Variants in SOX5 observed in about 807,000 individuals in gnomAD.
The protein encoded by SOX5 is SRY-box transcription factor 5.
A neutral mutation model predicts 92.0 loss-of-function variants in SOX5; 9 were observed. That is an observed-to-expected ratio of 0.10 (90% CI 0.06 to 0.17). The LOEUF (loss-of-function observed/expected upper bound fraction) is 0.17, where lower values mean the gene tolerates loss of function less well. SOX5 is among the 10% of genes least tolerant of loss of function. SOX5 has a pLI of 1.00. For missense variants in SOX5, 642 were observed against 944.5 expected (o/e 0.68, Z 4.20); for synonymous variants, 344 against 336.3 (o/e 1.02, Z -0.25).
intron 8 of SOX5, among the ~76,000 whole-genome samples, chr12:23,632,549 A>G (rs1328596231): frequency 1.3e-5 from 2 of 152,114 alleles, no homozygotes; most frequent in Non-Finnish European, 2.9e-5. Context: ...AGCCATGCTC[A>G]GTCACTCACA....
intron 4 of SOX5, among the ~76,000 whole-genome samples, chr12:24,139,983 T>C (rs1950432031): frequency 1.3e-5 from 2 of 152,188 alleles, no homozygotes; most frequent in African/African-American, 2.4e-5. Flanking sequence ...ACTGTGGTGG[T>C]ACAGATTCCA....
At chr12:24,440,248 G>C (rs952586716) in intron 1 of SOX5, among the ~76,000 whole-genome samples, 1 of 152,120 alleles carries the variant, frequency 6.6e-6, no homozygotes, top group Non-Finnish European at 1.5e-5. Context: ...TGCCACAGAC[G>C]CTGACTGAGG....
At chr12:23,659,366 A>T (rs921451172) in intron 7 of SOX5, among the ~76,000 whole-genome samples, 4 of 152,244 alleles carry the variant, frequency 2.6e-5, no homozygotes, top group African/African-American at 7.2e-5. Flanking sequence ...TTTTTATTGG[A>T]AACGGAAATA....
At chr12:23,992,635 G>C (rs572965722) in intron 4 of SOX5, among the ~76,000 whole-genome samples, 31 of 152,112 alleles carry the variant, frequency 2.0e-4, no homozygotes, top group Admixed American at 3.3e-4. Context: ...ATTGCTTCTA[G>C]CACTCTGAAG....
chr12:24,031,424 T>A (rs1185221095), intron 4 of SOX5, among the ~76,000 whole-genome samples: 1 of 151,712 alleles, frequency 6.6e-6, no homozygotes, highest in Admixed American at 6.6e-5. Context: ...CTGGAGGAGC[T>A]AGGCCCAGAA....
intron 1 of SOX5, among the ~76,000 whole-genome samples, chr12:23,925,470 G>T (rs973436471): frequency 1.3e-5 from 2 of 151,906 alleles, no homozygotes; most frequent in African/African-American, 4.8e-5. Context: ...GAATATAATT[G>T]GTAATTTAGT....
chr12:24,443,413 A>C (rs1940964375), intron 1 of SOX5, among the ~76,000 whole-genome samples: 1 of 152,226 alleles, frequency 6.6e-6, no homozygotes. Context: ...CACCCTGTTG[A>C]AAATCGCTGA....
At chr12:24,047,787 A>G (rs1409747659) in intron 4 of SOX5, among the ~76,000 whole-genome samples, 3 of 152,198 alleles carry the variant, frequency 2.0e-5, no homozygotes, top group Non-Finnish European at 4.4e-5. Context: ...CTCAAACCCT[A>G]AAATTTGGTT....
At chr12:23,912,134 A>C (rs1425799970) in intron 1 of SOX5, among the ~76,000 whole-genome samples, 1 of 152,102 alleles carries the variant, frequency 6.6e-6, no homozygotes, top group Non-Finnish European at 1.5e-5. Flanking sequence ...ATATACATGG[A>C]ATTATTGTAC....
At chr12:24,195,703 GAGA>G (rs1169457892) in intron 4 of SOX5, among the ~76,000 whole-genome samples, 2 of 152,104 alleles carry the variant, frequency 1.3e-5, no homozygotes, top group African/African-American at 4.8e-5. Flanking sequence ...AGTCAAATTT[GAGA>G]AGAATATACA....
intron 1 of SOX5, among the ~76,000 whole-genome samples, chr12:24,467,666 C>T (rs944279453): frequency 2.0e-5 from 3 of 151,986 alleles, no homozygotes; most frequent in African/African-American, 7.3e-5. Context: ...TAGATTTTTT[C>T]CCGGATATGA....
chr12:24,351,170 C>T (rs1192497099), intron 2 of SOX5, among the ~76,000 whole-genome samples: 1 of 152,144 alleles, frequency 6.6e-6, no homozygotes, highest in Admixed American at 6.5e-5. Context: ...TTTTTCCATG[C>T]AGTCTGGAAA....
chr12:23,533,069 C>A lies in SOX5; in HGVS notation c.*1150G>T. ...CCTGATCCATCCAATAATAATCAGA[C>A]ATTTAAAAATATAATTTCTGAGCCC... On this transcript the variant is annotated 3_prime_UTR_variant, in exon 15 of 15. Transcript: ENST00000451604. The A allele has an allele frequency of 2.4e-6, 1 of 419,120 alleles. No individual in the cohort carries two copies. The allele number at this position is 419,120 out of a possible 1,614,324, so 26.0% of individuals were successfully genotyped here.
intron 4 of SOX5, among the ~76,000 whole-genome samples, chr12:24,129,479 C>T (rs1050877453): frequency 6.6e-6 from 1 of 152,166 alleles, no homozygotes; most frequent in African/African-American, 2.4e-5. Context: ...CCATGCCTGG[C>T]ACTGTGCCTG....
At position 23,542,952 on chromosome 12, in the gene SOX5, C is replaced by T. The variant is rs545601332; in HGVS notation, c.1771+259G>A. ...TTTCTCAGCTTTAGTAAAAATATTT[C>T]TAGATTTTTGAAGAAGATAAAGCAT... On this transcript the variant is annotated intron_variant, in intron 13 of 14. Transcript: ENST00000451604. Among the ~76,000 whole-genome samples, 3 of 152,080 alleles carry T rather than the reference C, an allele frequency of 2.0e-5. No individual in the cohort carries two copies. The South Asian group carries it at 6.2e-4, about 32-fold the overall frequency.
In SOX5 at chr12:24,027,974, T is replaced by C. The variant is rs1037084756; in HGVS notation, c.-1-131950A>G. ...GGGTTCCTCCTAACTGCGTTGATCA[T>C]TGTGCTCCCTGTTACTCTGTATTCC... On this transcript the variant is annotated intron_variant, in intron 4 of 4. Transcript: ENST00000446891. 1.1e-4 allele frequency among the ~76,000 whole-genome samples: 17 copies of C among 152,136 alleles called. No individual in the cohort carries two copies. In the South Asian group the frequency reaches 3.5e-3, roughly 32 times the overall value.
intron 1 of SOX5, among the ~76,000 whole-genome samples, chr12:23,939,807 A>G (rs1041009916): frequency 1.3e-5 from 2 of 150,990 alleles, no homozygotes; most frequent in African/African-American, 2.4e-5. Flanking sequence ...AGAGTTTAAC[A>G]TTTCTTTTCT....
At chr12:24,166,250 G>C (rs942418977) in intron 4 of SOX5, among the ~76,000 whole-genome samples, 1 of 152,148 alleles carries the variant, frequency 6.6e-6, no homozygotes, top group Non-Finnish European at 1.5e-5. Flanking sequence ...TCATAGAAGA[G>C]GGAGAGAGTA....
intron 1 of SOX5, among the ~76,000 whole-genome samples, chr12:23,899,960 C>G (rs2097214871): frequency 6.6e-6 from 1 of 152,090 alleles, no homozygotes; most frequent in Non-Finnish European, 1.5e-5. Context: ...TCTTGAGGAC[C>G]AGAGTATCCT....
Sources: gnomAD v4.1 joint callset for allele counts (sites outside exome capture counted in the v4.1 genomes callset) on GRCh38, gnomAD v4.1.1 for gene constraint, MANE v1.5 for transcripts, NCBI Gene and HGNC (gene_info 2026-07-23, HGNC 2026-07-21) for gene names.